NUP188: variants seen among roughly 807,000 people sequenced by gnomAD.
The protein encoded by NUP188 is nucleoporin 188.
A neutral mutation model predicts 223.0 loss-of-function variants in NUP188; 97 were observed. That is an observed-to-expected ratio of 0.43 (90% confidence interval 0.37 to 0.51). NUP188 has a LOEUF of 0.51. NUP188 is among the 20% of genes least tolerant of loss of function. The pLI is 0.00. For missense variants in NUP188, 1,947 were observed against 2,175.6 expected, an observed-to-expected ratio of 0.89 and a Z score of 2.09; for synonymous variants, 869 against 828.0, an observed-to-expected ratio of 1.05 and a Z score of -0.85.
chr9:128,998,622 A>AGGTG lies in NUP188; in HGVS notation c.3515_3515+3dup, dbSNP rs775954248. ...GCTTATCCTCCTCCGGCAGTGGAAG[A>AGGTG]GGTGAGGCTGTGCCAGGAGAGGCAA... On this transcript the variant is annotated frameshift_variant and splice_region_variant, in exon 32 of 44. Coordinates refer to ENST00000372577, the MANE Select transcript of NUP188 (RefSeq NM_015354.3). LOFTEE classifies it high-confidence loss of function. The AGGTG allele has an allele frequency of 6.2e-7, 1 of 1,613,580 alleles. No individual in the cohort carries two copies.
intron 3 of NUP188, among the ~76,000 whole-genome samples, chr9:128,954,146 A>G (rs763532447): frequency 1.3e-5 from 2 of 151,370 alleles, no homozygotes. Flanking sequence ...TTTCTTTACT[A>G]TCTTTTTTCT....
chr9:128,958,973 C>T (rs1169272723), intron 7 of NUP188, 42 bp from the exon 8 acceptor site: 1 of 1,427,900 alleles, frequency 7.0e-7, no homozygotes, highest in Non-Finnish European at 9.5e-7. Context: ...TGAATATTTA[C>T]CTTTTATTCT....
chr9:128,975,468 C>T (rs4291366), intron 12 of NUP188, among the ~76,000 whole-genome samples: 45,553 of 151,260 alleles, frequency 0.3, 8,083 homozygotes, highest in Admixed American at 0.39. Context: ...GTGATCCGCC[C>T]GCCTCAGCCT....
chr9:128,979,524 TCA>T (rs779156808), intron 13 of NUP188, among the ~76,000 whole-genome samples, 197 bp downstream of exon 13: 11 of 152,232 alleles, frequency 7.2e-5, no homozygotes, highest in Non-Finnish European at 1.6e-4. Context: ...TTGCTCAAAG[TCA>T]CACATAGAAA....
At chr9:128,968,447 A>C in intron 8 of NUP188, 59 bp from the exon 9 acceptor site, 2 of 1,304,552 alleles carry the variant, frequency 1.5e-6, no homozygotes, top group South Asian at 1.2e-5. Context: ...AATGTTCTTT[A>C]AGTACTGTTT....
rs75784988 is a variant in NUP188, at chr9:128,995,349, A to G, written c.3186A>G (p.Thr1062=). 3 of 1,614,096 alleles carry G rather than the reference A, an allele frequency of 1.9e-6. No individual in the cohort carries two copies. The highest frequency in any genetic ancestry group is 2.5e-6 in the Non-Finnish European group (3 of 1,179,972). Residue 1062 remains threonine, a synonymous_variant, in exon 30 of 44, where the codon ACA becomes ACG. Coordinates refer to ENST00000372577, the MANE Select transcript of NUP188 (RefSeq NM_015354.3). ...CATTAGACCAGTCATTAAAGGATACACTGAAGAAATTTTCCATCGAGAAAC... is the reference window on the plus strand; with the variant it reads ...CATTAGACCAGTCATTAAAGGATACGCTGAAGAAATTTTCCATCGAGAAAC... ...KGSLDQSLKD[T]LKKFSIEKRF... is the part of the protein sequence containing the mutation.
intron 30 of NUP188, among the ~76,000 whole-genome samples, chr9:128,997,169 C>T (rs1842541740): frequency 6.6e-6 from 1 of 152,072 alleles, no homozygotes. Context: ...AGGTGGAGCC[C>T]GTGGAGGAGA....
chr9:128,977,341 G>C (rs1447371130), intron 12 of NUP188, among the ~76,000 whole-genome samples: 2 of 151,690 alleles, frequency 1.3e-5, no homozygotes, highest in African/African-American at 4.8e-5. Flanking sequence ...GGATGGTCTC[G>C]ATCTCCTGAC....
At chr9:128,969,375 A>G (rs1031217844) in intron 9 of NUP188, 25 bp from the exon 10 acceptor site, 10 of 1,388,848 alleles carry the variant, frequency 7.2e-6, no homozygotes, top group Non-Finnish European at 1.0e-5. Flanking sequence ...GATATATAAC[A>G]TGGTGATACT....
intron 12 of NUP188, among the ~76,000 whole-genome samples, chr9:128,973,858 A>G (rs1017269887): frequency 1.3e-5 from 2 of 152,182 alleles, no homozygotes; most frequent in Non-Finnish European, 2.9e-5. Context: ...CTTCTCTAGA[A>G]ATTGAACAAC....
At chr9:129,003,231 C>G in intron 37 of NUP188, 86 bp from the exon 38 acceptor site, 1 of 1,473,246 alleles carries the variant, frequency 6.8e-7, no homozygotes, top group African/African-American at 1.4e-5. Flanking sequence ...GGGCCTGGGA[C>G]GTTGCCTCTC....
chr9:128,958,084 G>T, intron 6 of NUP188, 30 bp downstream of exon 6: 1 of 1,585,762 alleles, frequency 6.3e-7, no homozygotes, highest in Non-Finnish European at 8.6e-7. Context: ...TCTATTCTTT[G>T]ATGTAAAATT....
intron 15 of NUP188, among the ~76,000 whole-genome samples, chr9:128,981,805 T>C (rs1259565607): frequency 2.0e-5 from 3 of 152,114 alleles, no homozygotes; most frequent in Non-Finnish European, 2.9e-5. Flanking sequence ...CCAGGTGTAG[T>C]GGCTCACGCC....
intron 28 of NUP188, 95 bp from the exon 29 acceptor site, chr9:128,994,761 G>A: frequency 9.7e-7 from 1 of 1,026,920 alleles, no homozygotes; most frequent in Non-Finnish European, 1.5e-6. Context: ...AACTTGTTCT[G>A]CAAGTGTTGG....
chr9:128,995,339 T>G lies in NUP188; in HGVS notation c.3176T>G (p.Leu1059Ter). ...YVVKGSLDQS[L>*]KDTLKKFSIE... ...TGTAGGGGTTCATTAGACCAGTCAT[T>G]AAAGGATACACTGAAGAAATTTTCC... Residue 1059 changes from leucine (L) to a stop codon, truncating the protein, a stop_gained, in exon 30 of 44, where the codon TTA (leucine) becomes TGA (stop). Transcript: ENST00000372577. LOFTEE classifies it high-confidence loss of function. 1 of 1,614,030 alleles carries G rather than the reference T, an allele frequency of 6.2e-7. No homozygotes were observed. Among genetic ancestry groups the G allele is most frequent in the Non-Finnish European group, 8.5e-7 (1 of 1,179,898 alleles).
chr9:128,999,665 T>C lies in NUP188; in HGVS notation c.3703T>C (p.Cys1235Arg), dbSNP rs770613229. ...PQYSQLVLNV[C>R]ETLQEEVIAL... is the part of the protein sequence containing the mutation. ...GTACTCCCAGCTGGTGCTGAATGTCTGTGAGACCCTCCAAGAGGAAGTGAT... is the reference window on the plus strand; with the variant it reads ...GTACTCCCAGCTGGTGCTGAATGTCCGTGAGACCCTCCAAGAGGAAGTGAT... The change falls in exon 34 of 44, where the codon TGT (cysteine) becomes CGT (arginine). Residue 1235 changes from cysteine (C) to arginine (R), a missense_variant. Around this residue, in one of 3 missense-constraint regions of NUP188, gnomAD observed 905 missense variants for 990.6 expected, o/e 0.91. Transcript: ENST00000372577. 6.8e-6 allele frequency: 11 copies of C among 1,614,130 alleles called. No individual in the cohort carries two copies. The highest frequency in any genetic ancestry group is 9.3e-6 in the Non-Finnish European group (11 of 1,180,022).
intron 11 of NUP188, among the ~76,000 whole-genome samples, chr9:128,972,033 A>G (rs1008357661): frequency 6.6e-6 from 1 of 152,136 alleles, no homozygotes; most frequent in East Asian, 1.9e-4. Flanking sequence ...CAGCCTCCCA[A>G]AGTTCTGGGA....
intron 17 of NUP188, 101 bp downstream of exon 17, chr9:128,983,129 C>G (rs141945010): frequency 1.3e-6 from 2 of 1,503,850 alleles, no homozygotes; most frequent in African/African-American, 2.8e-5. Flanking sequence ...GGTTAAAGTT[C>G]GCGCATATTC....
chr9:128,987,707 C>G lies in NUP188; in HGVS notation c.2383C>G (p.Gln795Glu). ...VDTIDMVMAA[Q>E]PRSDGAEGQG... ...CACCATTGACATGGTGATGGCTGCT[C>G]AGCCTCGAAGGTAGGGCTCCTTCTC... Residue 795 changes from glutamine (Q) to glutamate (E), a missense_variant, in exon 23 of 44, where the codon CAG becomes GAG. Gln to Glu is a conservative substitution (Grantham distance 29). Around this residue, in one of 3 missense-constraint regions of NUP188, gnomAD observed 225 missense variants for 319.1 expected, o/e 0.71. Coordinates refer to ENST00000372577, the MANE Select transcript of NUP188 (RefSeq NM_015354.3). The G allele has an allele frequency of 1.9e-6, 3 of 1,613,768 alleles. No homozygotes were observed. The highest frequency in any genetic ancestry group is 2.5e-6 in the Non-Finnish European group (3 of 1,179,866).
Sources: allele counts gnomAD v4.1 joint callset (sites outside exome capture counted in the v4.1 genomes callset), GRCh38; gene constraint gnomAD v4.1.1; regional missense constraint gnomAD v4.1.1; transcripts MANE v1.5; gene names NCBI Gene and HGNC (gene_info 2026-07-23, HGNC 2026-07-21).